CFAP99: variants seen among roughly 807,000 people sequenced by gnomAD.
CFAP99 encodes cilia- and flagella-associated protein 99.
Under a neutral mutation model 82.7 loss-of-function variants are expected in CFAP99, and 84 were observed. That is an observed-to-expected ratio of 1.02 (90% CI 0.85 to 1.22). The LOEUF is 1.22. Ranked by LOEUF, CFAP99 falls within the 50% of genes most tolerant of loss-of-function variation. CFAP99 has a pLI of 0.00. For missense variants in CFAP99, 1,059 were observed against 983.5 expected (o/e 1.08, Z -1.03); for synonymous variants, 456 against 429.5 (o/e 1.06, Z -0.76).
chr4:2,449,145 T>G (rs1734242816), intron 6 of CFAP99, among the ~76,000 whole-genome samples: 1 of 151,992 alleles, frequency 6.6e-6, no homozygotes, highest in Non-Finnish European at 1.5e-5. Context: ...CCCCTCCTGC[T>G]CCTTCATGGA....
At chr4:2,438,519 C>T (rs1733970851) in intron 4 of CFAP99, among the ~76,000 whole-genome samples, 1 of 152,184 alleles carries the variant, frequency 6.6e-6, no homozygotes, top group Non-Finnish European at 1.5e-5. Flanking sequence ...GCCTCGGCCT[C>T]CCAAAGTGCT....
At chr4:2,453,692 C>T (rs1354964101) in intron 11 of CFAP99, among the ~76,000 whole-genome samples, 3 of 149,110 alleles carry the variant, frequency 2.0e-5, no homozygotes, top group African/African-American at 7.4e-5. Context: ...ACCGTCTGTC[C>T]ATGTCTTTTG....
chr4:2,452,469 A>ATG lies in CFAP99; in HGVS notation c.1161+127_1161+128dup. On this transcript the variant is annotated intron_variant, in intron 11 of 14. Transcript: ENST00000635017. ...CACAGCGCCCCCGTAGAAGCTACTG[A>ATG]TGTGTTGGTCCTGGCTCCTCTTCCT... 5 of 1,034,584 alleles carry ATG rather than the reference A, an allele frequency of 4.8e-6. No individual in the cohort carries two copies. In the South Asian group the frequency reaches 7.6e-5, roughly 16 times the overall value. 64.1% of individuals were successfully genotyped at this position (1,034,584 alleles called of 1,614,324 possible).
Position 2,450,895 on chromosome 4 carries a change from G to C in CFAP99, c.796-52G>C, listed in dbSNP as rs1057284404. 3 of 1,470,458 alleles carry C rather than the reference G, an allele frequency of 2.0e-6. No individual in the cohort carries two copies. The African/African-American group carries it at 4.2e-5, about 21-fold the overall frequency. The allele number at this position is 1,470,458 out of a possible 1,614,324, so 91.1% of individuals were successfully genotyped here. ...GCATCCACCTGGTATGTGTTTGGGG[G>C]CACCCAGCAGGCACAGGTGCCAGGC... On this transcript the variant is annotated intron_variant, in intron 8 of 14. Coordinates refer to ENST00000635017, the Ensembl canonical transcript of CFAP99.
chr4:2,425,307 TTC>T (rs1382180729), intron 1 of CFAP99, among the ~76,000 whole-genome samples: 1 of 152,210 alleles, frequency 6.6e-6, no homozygotes, highest in East Asian at 1.9e-4. Context: ...TGGCCTCCCC[TTC>T]TCTCTGAGTC....
intron 2 of CFAP99, chr4:2,427,553 C>G (rs532345806): frequency 6.6e-6 from 1 of 152,488 alleles, no homozygotes; most frequent in Admixed American, 6.5e-5. Context: ...CTAATTCAGG[C>G]TGCCTGCCTG....
At chr4:2,445,431 A>G in intron 6 of CFAP99, 123 bp downstream of exon 6, 1 of 896,452 alleles carries the variant, frequency 1.1e-6, no homozygotes, top group Non-Finnish European at 1.5e-6. Flanking sequence ...GCACTGGACC[A>G]GACCAGGAAC....
In CFAP99 at chr4:2,438,147, G is replaced by A. The variant is rs779777267; in HGVS notation, c.334G>A (p.Val112Met). The stretch of plus-strand genomic sequence containing the variant: ...CTGTAACATCATCAAGTCCCAGCCC[G>A]TGGATAAGATGTGCAAGGTGAGCCA... The change falls in exon 4 of 15, where the codon GTG becomes ATG. Residue 112 changes from valine (V) to methionine (M), a missense_variant. Transcript: ENST00000635017. 5.1e-5 allele frequency: 79 copies of A among 1,535,002 alleles called. No homozygotes were observed. The highest frequency in any genetic ancestry group is 3.8e-4 in the African/African-American group (28 of 73,020).
chr4:2,448,755 C>T lies in CFAP99; in HGVS notation c.643-915C>T, dbSNP rs962126913. ...GGAGTGAGGCAGGGAAGAGGGAAGG[C>T]GGGGTACCGGTCTGGTCACACATCC... On this transcript the variant is annotated intron_variant, in intron 6 of 14. Transcript: ENST00000635017. The surrounding 1 kb of genome is among the most constrained non-coding windows in gnomAD (Gnocchi z 5.2). Among the ~76,000 whole-genome samples, 3 of 152,186 alleles carry T rather than the reference C, an allele frequency of 2.0e-5. No homozygotes were observed. The East Asian group carries it at 5.8e-4, about 29-fold the overall frequency.
intron 8 of CFAP99, chr4:2,450,460 A>C (rs553715879): frequency 3.6e-6 from 1 of 278,324 alleles, no homozygotes; most frequent in Non-Finnish European, 7.0e-6. Context: ...GGCAGCCCAT[A>C]TGGTGCATGC....
chr4:2,440,085 G>A (rs1355666994), intron 4 of CFAP99, among the ~76,000 whole-genome samples: 13 of 150,810 alleles, frequency 8.6e-5, no homozygotes, highest in Non-Finnish European at 1.0e-4. Flanking sequence ...CAGGTGATCC[G>A]CCTGCCTCGG....
intron 8 of CFAP99, 192 bp downstream of exon 8, chr4:2,450,197 G>T (rs1302042258): frequency 1.4e-5 from 9 of 620,764 alleles, no homozygotes; most frequent in African/African-American, 9.1e-5. Flanking sequence ...AAGCAGGCGG[G>T]TGTAGACGCG....
chr4:2,439,364 C>T (rs775895354), intron 4 of CFAP99, among the ~76,000 whole-genome samples: 97 of 152,206 alleles, frequency 6.4e-4, no homozygotes, highest in Non-Finnish European at 1.1e-3. Context: ...AGGAGAGCCA[C>T]TCCCTGGAGA....
intron 2 of CFAP99, among the ~76,000 whole-genome samples, chr4:2,431,285 C>T (rs1013600018): frequency 6.6e-5 from 10 of 151,638 alleles, no homozygotes; most frequent in African/African-American, 2.2e-4. Flanking sequence ...AGGAGAATGG[C>T]GTGAACCTGG....
Position 2,452,360 on chromosome 4 carries a change from A to AGGGCAGCTGGGCATG in CFAP99, c.1161+22_1161+36dup. ...CAGAAGGAGCAGGTGGGTGCCATGC[A>AGGGCAGCTGGGCATG]GGGCAGCTGGGCATGGGGCAGCCAG... On this transcript the variant is annotated intron_variant, in intron 11 of 14. Coordinates refer to ENST00000635017, the Ensembl canonical transcript of CFAP99. 6.5e-7 allele frequency: 1 copy of AGGGCAGCTGGGCATG among 1,531,500 alleles called. No homozygotes were observed. The highest frequency in any genetic ancestry group is 8.7e-7 in the Non-Finnish European group (1 of 1,144,578). The allele number at this position is 1,531,500 out of a possible 1,614,324, so 94.9% of individuals were successfully genotyped here. A position where few individuals can be genotyped will look rare whatever the true frequency, so the allele number is the denominator to read the frequency against.
intron 11 of CFAP99, among the ~76,000 whole-genome samples, chr4:2,457,875 G>C (rs77545410): frequency 1.3e-5 from 2 of 152,198 alleles, no homozygotes; most frequent in Non-Finnish European, 2.9e-5. Flanking sequence ...GGAGGTGGGC[G>C]TGGCCATCTT....
intron 2 of CFAP99, among the ~76,000 whole-genome samples, chr4:2,434,251 G>A (rs562255602): frequency 1.3e-5 from 2 of 152,210 alleles, no homozygotes. Context: ...AGTTCAGGGA[G>A]CGGGGCCAGC....
At chr4:2,430,641 C>T (rs950648976) in intron 2 of CFAP99, among the ~76,000 whole-genome samples, 1 of 152,116 alleles carries the variant, frequency 6.6e-6, no homozygotes, top group African/African-American at 2.4e-5. Flanking sequence ...GCCCCTCCCC[C>T]AAAAAAAAGT....
chr4:2,437,456 C>T (rs1301276151), intron 3 of CFAP99, among the ~76,000 whole-genome samples: 3 of 152,180 alleles, frequency 2.0e-5, no homozygotes, highest in East Asian at 1.9e-4. Flanking sequence ...TGGGGCAGGG[C>T]GACCATTGCA....
Sources: gnomAD v4.1 joint callset for allele counts (sites outside exome capture counted in the v4.1 genomes callset) on GRCh38, gnomAD v4.1.1 for gene constraint, Gnocchi (gnomAD v3.1) non-coding constraint, MANE v1.5 for transcripts, NCBI Gene and HGNC (gene_info 2026-07-23, HGNC 2026-07-21) for gene names.